TXLNB: variants seen among roughly 807,000 people sequenced by gnomAD.
TXLNB encodes the protein taxilin beta, also known as beta-taxilin.
A neutral mutation model predicts 57.4 loss-of-function variants in TXLNB; 37 were observed. The ratio of observed to expected loss-of-function variants is 0.64; its 90% confidence interval spans 0.50 to 0.85. TXLNB has a LOEUF of 0.85. Ranked by LOEUF, TXLNB falls within the 40% of genes least tolerant of loss-of-function variation. The pLI is 0.00. For synonymous variants in TXLNB, 302 were observed against 309.6 expected, an observed-to-expected ratio of 0.98 and a Z score of 0.26; for missense variants, 848 against 825.6, an observed-to-expected ratio of 1.03 and a Z score of -0.33.
At chr6:139,274,383 C>T (rs1319529514) in intron 3 of TXLNB, among the ~76,000 whole-genome samples, 4 of 152,276 alleles carry the variant, frequency 2.6e-5, no homozygotes, top group Middle Eastern at 6.8e-3. Context: ...AGGCTTTAGT[C>T]TCCACGTAAA....
chr6:139,165,855 C>T, the TXLNB span, among the ~76,000 whole-genome samples: 208 of 152,236 alleles, frequency 1.4e-3, no homozygotes, highest in African/African-American at 4.9e-3. Flanking sequence ...CTATGTTGTT[C>T]CCACTTCCTG....
At chr6:139,164,049 C>T in the TXLNB span, among the ~76,000 whole-genome samples, 1 of 133,820 alleles carries the variant, frequency 7.5e-6, no homozygotes, top group Non-Finnish European at 1.6e-5. Flanking sequence ...CATGGACTCT[C>T]ACACACACAC....
chr6:139,196,587 G>C, the TXLNB span, among the ~76,000 whole-genome samples: 83,417 of 150,750 alleles, frequency 0.55, 23,972 homozygotes, highest in Non-Finnish European at 0.59. Flanking sequence ...TGTTGGCCAG[G>C]CTGGTCTCGA....
chr6:139,219,184 A>G, the TXLNB span, among the ~76,000 whole-genome samples: 1 of 152,210 alleles, frequency 6.6e-6, no homozygotes, highest in African/African-American at 2.4e-5. Context: ...TTGTTCAGAG[A>G]AAAATAAACT....
the TXLNB span, among the ~76,000 whole-genome samples, chr6:139,191,474 A>G: frequency 6.6e-6 from 1 of 152,312 alleles, no homozygotes; most frequent in East Asian, 1.9e-4. Context: ...CGATATTTCA[A>G]GTTCTCCGTA....
the TXLNB span, among the ~76,000 whole-genome samples, chr6:139,188,864 C>T: frequency 4.6e-5 from 7 of 152,212 alleles, no homozygotes; most frequent in Middle Eastern, 3.2e-3. Flanking sequence ...AAGCAATTCT[C>T]CTGTCTCAGC....
intron 6 of TXLNB, among the ~76,000 whole-genome samples, chr6:139,258,540 T>C (rs1359165057): frequency 6.6e-6 from 1 of 152,242 alleles, no homozygotes; most frequent in Non-Finnish European, 1.5e-5. Flanking sequence ...AATTATCCAA[T>C]GTCCACCAGA....
At chr6:139,277,302 C>CTTT (rs2114595365) in intron 2 of TXLNB, 1 of 157,428 alleles carries the variant, frequency 6.4e-6, no homozygotes, top group Admixed American at 6.5e-5. Flanking sequence ...CTTGAATTAA[C>CTTT]AAAAAGGAAG....
At chr6:139,209,831 C>T in the TXLNB span, among the ~76,000 whole-genome samples, 1 of 152,192 alleles carries the variant, frequency 6.6e-6, no homozygotes, top group East Asian at 1.9e-4. Flanking sequence ...ACTAAGAACT[C>T]AAAAGCAAAT....
At chr6:139,231,620 G>A in the TXLNB span, among the ~76,000 whole-genome samples, 17 of 151,982 alleles carry the variant, frequency 1.1e-4, no homozygotes, top group African/African-American at 2.7e-4. Context: ...CCCAAATGAC[G>A]TGCAGGTCTC....
chr6:139,226,418 G>A, the TXLNB span, among the ~76,000 whole-genome samples: 1 of 147,390 alleles, frequency 6.8e-6, no homozygotes, highest in Non-Finnish European at 1.5e-5. Flanking sequence ...AAATACAAAT[G>A]TATTTGTCAA....
the TXLNB span, among the ~76,000 whole-genome samples, chr6:139,212,447 C>G: frequency 6.6e-6 from 1 of 152,168 alleles, no homozygotes; most frequent in Non-Finnish European, 1.5e-5. Context: ...TTGTCACCAC[C>G]AGGCCTGCCC....
Position 139,242,772 on chromosome 6 carries a change from G to C in TXLNB, c.1809C>G (p.Ser603=). 6.2e-7 allele frequency: 1 copy of C among 1,614,144 alleles called. No homozygotes were observed. The highest frequency in any genetic ancestry group is 8.5e-7 in the Non-Finnish European group (1 of 1,180,014). The change falls in exon 10 of 10, where the codon TCC becomes TCG. Residue 603 remains serine, a synonymous_variant. Coordinates refer to ENST00000358430, the MANE Select transcript of TXLNB (RefSeq NM_153235.4). ...LPVGAQADQA[S]WKPEAEASGQ... is the part of the protein sequence containing the mutation. Reference sequence around the variant, plus strand: ...CGGAAGCTTCTGCCTCTGGCTTCCAGGACGCCTGATCAGCCTGTGCTCCAA... The same window carrying C: ...CGGAAGCTTCTGCCTCTGGCTTCCACGACGCCTGATCAGCCTGTGCTCCAA...
rs554705901 is a variant in TXLNB at position 139,259,818 on chromosome 6, T to C, written c.1002+500A>G. Among the ~76,000 whole-genome samples the C allele has an allele frequency of 2.2e-3, 341 of 152,304 alleles. 1 individual carries two copies. The highest frequency in any genetic ancestry group is 6.8e-3 in the Middle Eastern group (2 of 294). On this transcript the variant is annotated intron_variant, in intron 6 of 9. Coordinates refer to ENST00000358430, the MANE Select transcript of TXLNB (RefSeq NM_153235.4). ...ATGTGTGGAATAGATGAATGACTAT[T>C]TTATGTAGAAAGTAGTGTAGACATA...
At chr6:139,223,209 A>G in the TXLNB span, among the ~76,000 whole-genome samples, 114,977 of 152,172 alleles carry the variant, frequency 0.76, 43,577 homozygotes, top group East Asian at 0.83. Context: ...ACACTTTTAA[A>G]CATATGTGAA....
upstream of TXLNB, among the ~76,000 whole-genome samples, chr6:139,295,261 C>G (rs576197111): frequency 1.3e-5 from 2 of 152,280 alleles, no homozygotes; most frequent in African/African-American, 4.8e-5. Context: ...AAGAATTTAT[C>G]TGTGGCCTGA....
intron 2 of TXLNB, 170 bp from the exon 3 acceptor site, chr6:139,277,091 T>C (rs368274070): frequency 9.1e-6 from 5 of 552,068 alleles, no homozygotes; most frequent in Non-Finnish European, 3.1e-6. Context: ...CCTTACAGAG[T>C]GAACATTAGT....
chr6:139,232,996 G>A, the TXLNB span, among the ~76,000 whole-genome samples: 3 of 152,092 alleles, frequency 2.0e-5, no homozygotes, highest in African/African-American at 7.2e-5. Flanking sequence ...ATGTATGAAT[G>A]CTGGGTATTT....
the TXLNB span, among the ~76,000 whole-genome samples, chr6:139,193,840 ATTTTTT>A: frequency 9.9e-4 from 84 of 85,204 alleles, no homozygotes; most frequent in African/African-American, 3.4e-3. Flanking sequence ...ATATATATAT[ATTTTTT>A]TTTTTTTTTT....
Sources: gnomAD v4.1 joint callset for allele counts (sites outside exome capture counted in the v4.1 genomes callset) on GRCh38, gnomAD v4.1.1 for gene constraint, MANE v1.5 for transcripts, NCBI Gene and HGNC (gene_info 2026-07-23, HGNC 2026-07-21) for gene names.